Variants in RSPRY1 observed in about 807,000 individuals in gnomAD.
RSPRY1 encodes the protein ring finger and SPRY domain containing 1, also known as RING finger and SPRY domain-containing protein 1.
In RSPRY1, 23 loss-of-function variants were observed where a neutral mutation model predicts 73.1. The observed-to-expected ratio is 0.31, with a 90% confidence interval of 0.23 to 0.45. The LOEUF (loss-of-function observed/expected upper bound fraction) is 0.45. Ranked by LOEUF, RSPRY1 falls within the 20% of genes least tolerant of loss-of-function variation. The probability of loss-of-function intolerance (pLI) is 1.00; values close to 1 mark genes in which losing one functional copy is unlikely to be tolerated. For synonymous variants in RSPRY1, 226 were observed against 251.4 expected, an observed-to-expected ratio of 0.90 and a Z score of 0.95; for missense variants, 448 against 698.7, an observed-to-expected ratio of 0.64 and a Z score of 4.05.
intron 2 of RSPRY1, 28 bp downstream of exon 2, chr16:57,205,036 A>G (rs1434968430): frequency 5.2e-6 from 8 of 1,549,356 alleles, no homozygotes; most frequent in Non-Finnish European, 7.1e-6. Context: ...GGTCACCTCC[A>G]GTGGAATGAA....
intron 10 of RSPRY1, among the ~76,000 whole-genome samples, chr16:57,221,823 A>T (rs1247269933): frequency 6.6e-6 from 1 of 152,122 alleles, no homozygotes; most frequent in Non-Finnish European, 1.5e-5. Context: ...TGTTGGCTTG[A>T]CTTCTTTCAC....
intron 11 of RSPRY1, among the ~76,000 whole-genome samples, chr16:57,229,039 G>T (rs2075165917): frequency 6.6e-6 from 1 of 152,184 alleles, no homozygotes; most frequent in African/African-American, 2.4e-5. Flanking sequence ...CCATTATATA[G>T]TTGTACTATG....
chr16:57,189,995 GCTTT>G (rs1403142330), intron 1 of RSPRY1, among the ~76,000 whole-genome samples: 1 of 152,100 alleles, frequency 6.6e-6, no homozygotes, highest in Non-Finnish European at 1.5e-5. Flanking sequence ...TTTAAATACA[GCTTT>G]CTTTCACACT....
rs1276576391 is a variant in RSPRY1 at position 57,208,394 on chromosome 16, A to T, written c.403+284A>T. Among the ~76,000 whole-genome samples, 325 of 81,622 alleles carry T rather than the reference A, an allele frequency of 4.0e-3. 6 individuals are homozygous for T. Among genetic ancestry groups the T allele is most frequent in the African/African-American group, 0.015 (256 of 17,228 alleles). 53.5% of individuals were successfully genotyped at this position (81,622 alleles called of 152,430 possible). A position where few individuals can be genotyped will look rare whatever the true frequency, so the allele number is the denominator to read the frequency against. ...AGATTATTTATATATATATATATAT[A>T]TATATATTTTTTTTTTTTTTTGAGA... On this transcript the variant is annotated intron_variant, in intron 3 of 14. Coordinates refer to ENST00000394420, the MANE Select transcript of RSPRY1 (RefSeq NM_133368.3).
At chr16:57,211,990 A>G (rs1448797578) in intron 4 of RSPRY1, among the ~76,000 whole-genome samples, 7 of 152,228 alleles carry the variant, frequency 4.6e-5, no homozygotes, top group Admixed American at 1.3e-4. Flanking sequence ...GCCTAGGCTT[A>G]TAAGAGCTGC....
intron 6 of RSPRY1, 89 bp from the exon 7 acceptor site, chr16:57,216,018 A>G: frequency 1.0e-6 from 1 of 983,158 alleles, no homozygotes; most frequent in Non-Finnish European, 1.6e-6. Flanking sequence ...CATCTAGCAC[A>G]TATTGGGCAA....
At chr16:57,195,626 A>G (rs1310429438) in intron 1 of RSPRY1, among the ~76,000 whole-genome samples, 1 of 151,714 alleles carries the variant, frequency 6.6e-6, no homozygotes, top group Non-Finnish European at 1.5e-5. Flanking sequence ...AAATCAGTTG[A>G]TGTTTGTCAC....
chr16:57,232,787 G>A (rs1313054193), intron 13 of RSPRY1, among the ~76,000 whole-genome samples: 2 of 152,186 alleles, frequency 1.3e-5, no homozygotes, highest in African/African-American at 4.8e-5. Context: ...TGGTAACCAT[G>A]TATATAAATT....
At chr16:57,230,899 A>G (rs1204834237) in intron 12 of RSPRY1, 86 bp downstream of exon 12, 4 of 816,910 alleles carry the variant, frequency 4.9e-6, no homozygotes, top group African/African-American at 1.7e-5. Flanking sequence ...GTCCATTTAT[A>G]TATGCAATTG....
chr16:57,196,766 C>T (rs998857150), intron 1 of RSPRY1, among the ~76,000 whole-genome samples: 1 of 152,148 alleles, frequency 6.6e-6, no homozygotes, highest in African/African-American at 2.4e-5. Flanking sequence ...ACTCCAGAAT[C>T]CCTCTCCCCC....
At position 57,204,807 on chromosome 16, in the gene RSPRY1, G is replaced by A. The variant is rs751548928; in HGVS notation, c.149G>A (p.Ser50Asn). Residue 50 changes from serine (S) to asparagine (N), a missense_variant, in exon 2 of 15, where the codon AGT becomes AAT. By Grantham distance (46) the Ser-to-Asn change is conservative. Coordinates refer to ENST00000394420, the MANE Select transcript of RSPRY1 (RefSeq NM_133368.3). The stretch of plus-strand genomic sequence containing the variant: ...AATTCCTGTATCTGCCGAGATGACA[G>A]TGGAACAGATGACAGTGTTGACACC... ...MGNSCICRDD[S>N]GTDDSVDTQQ... The A allele has an allele frequency of 3.1e-6, 5 of 1,614,210 alleles. No individual in the cohort carries two copies. Among genetic ancestry groups the A allele is most frequent in the South Asian group, 1.1e-5 (1 of 91,076 alleles).
At chr16:57,213,673 A>G (rs1597895663) in intron 5 of RSPRY1, among the ~76,000 whole-genome samples, 1 of 152,256 alleles carries the variant, frequency 6.6e-6, no homozygotes, top group Non-Finnish European at 1.5e-5. Context: ...GGACTCTCCC[A>G]TGTGCTTGCC....
At chr16:57,216,617 T>TG in intron 7 of RSPRY1, 1 of 390,998 alleles carries the variant, frequency 2.6e-6, no homozygotes, top group South Asian at 3.0e-5. Flanking sequence ...CTACTTGGGA[T>TG]GCTGAGGCGG....
chr16:57,196,034 A>AAAATATAT (rs1555499007), intron 1 of RSPRY1, among the ~76,000 whole-genome samples: 2 of 122,822 alleles, frequency 1.6e-5, no homozygotes, highest in African/African-American at 6.0e-5. Context: ...AAAAAAAAAA[A>AAAATATAT]ATATATATAT....
Position 57,238,974 on chromosome 16 carries a change from GAC to G in RSPRY1, c.*3_*4del, listed in dbSNP as rs1567521258. On this transcript the variant is annotated stop_retained_variant and 3_prime_UTR_variant, in exon 15 of 15. Coordinates refer to ENST00000394420, the MANE Select transcript of RSPRY1 (RefSeq NM_133368.3). ...ATCAGACAGATTTCTCATATTTCAT[GAC>G]ACATGTGAAGAGGCATCGTGGACTT... 3 of 1,555,898 alleles carry G rather than the reference GAC, an allele frequency of 1.9e-6. No homozygotes were observed. The highest frequency in any genetic ancestry group is 2.6e-6 in the Non-Finnish European group (3 of 1,133,058).
intron 3 of RSPRY1, among the ~76,000 whole-genome samples, chr16:57,208,392 A>ATTT: frequency 1.1e-5 from 1 of 89,020 alleles, no homozygotes; most frequent in Non-Finnish European, 2.0e-5. Context: ...ATATATATAT[A>ATTT]TATATATATT....
At chr16:57,233,280 G>A (rs2075253117) in intron 13 of RSPRY1, among the ~76,000 whole-genome samples, 1 of 152,034 alleles carries the variant, frequency 6.6e-6, no homozygotes, top group East Asian at 1.9e-4. Context: ...AAAAATAATA[G>A]TACAGTGAAG....
intron 8 of RSPRY1, among the ~76,000 whole-genome samples, chr16:57,218,470 C>A (rs908434787): frequency 6.6e-6 from 1 of 151,976 alleles, no homozygotes; most frequent in African/African-American, 2.4e-5. Context: ...ATTAACCAAC[C>A]CCATTTCTCC....
At position 57,239,806 on chromosome 16, in the gene RSPRY1, G is replaced by C. The variant is rs1288836827; in HGVS notation, c.*831G>C. On this transcript the variant is annotated 3_prime_UTR_variant, in exon 15 of 15. Coordinates refer to ENST00000394420, the MANE Select transcript of RSPRY1 (RefSeq NM_133368.3). ...CAAGGTACCATCAAATCAGATTTCTGTTTTTTTGTTAAAAAAAATTTTTTT... is the reference window on the plus strand; with the variant it reads ...CAAGGTACCATCAAATCAGATTTCTCTTTTTTTGTTAAAAAAAATTTTTTT... 1 of 151,718 alleles carries C rather than the reference G, an allele frequency of 6.6e-6. No homozygotes were observed. Among genetic ancestry groups the C allele is most frequent in the Non-Finnish European group, 1.5e-5 (1 of 67,916 alleles). The allele number at this position is 151,718 out of a possible 1,614,324, so 9.4% of individuals were successfully genotyped here. A position where few individuals can be genotyped will look rare whatever the true frequency, so the allele number is the denominator to read the frequency against.
Sources: allele counts gnomAD v4.1 joint callset (sites outside exome capture counted in the v4.1 genomes callset), GRCh38; gene constraint gnomAD v4.1.1; transcripts MANE v1.5; gene names NCBI Gene and HGNC (gene_info 2026-07-23, HGNC 2026-07-21).